R3HDM1: variants seen among roughly 807,000 people sequenced by gnomAD.
The protein encoded by R3HDM1 is R3H domain containing 1.
In R3HDM1, 46 loss-of-function variants were observed where a neutral mutation model predicts 141.1. The observed-to-expected ratio is 0.33, with a 90% CI of 0.26 to 0.42. The LOEUF (loss-of-function observed/expected upper bound fraction) is 0.42, where lower values mean the gene tolerates loss of function less well. R3HDM1 is among the 10% of genes least tolerant of loss of function. The pLI is 1.00. For synonymous variants in R3HDM1, 435 were observed against 472.9 expected (o/e 0.92, Z 1.04); for missense variants, 1,184 against 1,368.3 (o/e 0.87, Z 2.12).
intron 18 of R3HDM1, among the ~76,000 whole-genome samples, chr2:135,658,510 A>G (rs1440582536): frequency 6.6e-6 from 1 of 152,162 alleles, no homozygotes; most frequent in Non-Finnish European, 1.5e-5. Flanking sequence ...GCACTTAACC[A>G]TGTATGCAGC....
intron 14 of R3HDM1, 134 bp from the exon 15 acceptor site, chr2:135,641,402 A>G (rs1432652161): frequency 1.9e-6 from 2 of 1,033,100 alleles, no homozygotes; most frequent in Non-Finnish European, 2.8e-6. Context: ...AAACGTGGAC[A>G]GTAAATTAAA....
At chr2:135,542,471 T>G (rs1453590961) in intron 1 of R3HDM1, among the ~76,000 whole-genome samples, 1 of 152,220 alleles carries the variant, frequency 6.6e-6, no homozygotes, top group African/African-American at 2.4e-5. Context: ...TTTCTCATTC[T>G]CCTTTTGTTA....
chr2:135,675,594 C>T lies in R3HDM1; in HGVS notation c.2307+108C>T, dbSNP rs907820784. On this transcript the variant is annotated intron_variant, in intron 20 of 26. Coordinates refer to ENST00000683871, the MANE Select transcript of R3HDM1 (RefSeq NM_001378107.1). ...TCCTTTTAATACAGGAAAAACATTT[C>T]TGTAATATACAACCTTTTAATACAG... 2.5e-5 allele frequency: 29 copies of T among 1,150,004 alleles called. 1 individual carries two copies. In the Admixed American group the frequency reaches 6.0e-4, roughly 24 times the overall value. The allele number at this position is 1,150,004 out of a possible 1,614,324, so 71.2% of individuals were successfully genotyped here.
At chr2:135,580,467 A>G (rs533889889) in intron 1 of R3HDM1, among the ~76,000 whole-genome samples, 1 of 152,318 alleles carries the variant, frequency 6.6e-6, no homozygotes, top group African/African-American at 2.4e-5. Context: ...TTTGTTCTAA[A>G]TAGAATTTAT....
At position 135,559,129 on chromosome 2, in the gene R3HDM1, G is replaced by A. The variant is rs1026478076; in HGVS notation, c.-250+27496G>A. 1.1e-5 allele frequency: 9 copies of A among 854,178 alleles called. No individual in the cohort carries two copies. In the East Asian group the frequency reaches 8.5e-4, roughly 80 times the overall value. 52.9% of individuals were successfully genotyped at this position (854,178 alleles called of 1,614,324 possible). ...TGTGTGTGGTTTTGTTGTTGTTGTC[G>A]GAGACAGGGCCTCGCTTGGTCTCCC... On this transcript the variant is annotated intron_variant, in intron 1 of 26. Coordinates refer to ENST00000683871, the MANE Select transcript of R3HDM1 (RefSeq NM_001378107.1).
chr2:135,673,666 T>C (rs892356494), intron 19 of R3HDM1, among the ~76,000 whole-genome samples: 4 of 152,220 alleles, frequency 2.6e-5, no homozygotes, highest in Admixed American at 1.3e-4. Flanking sequence ...AGAACTAGAA[T>C]ACACAGTATT....
intron 1 of R3HDM1, chr2:135,536,441 C>T (rs1195835672): frequency 4.4e-6 from 3 of 678,734 alleles, no homozygotes; most frequent in Non-Finnish European, 5.5e-6. Flanking sequence ...GCCACTGCAC[C>T]CAGCCTATTT....
At position 135,725,164 on chromosome 2, in the gene R3HDM1, A is replaced by G. The variant is rs2077035301; in HGVS notation, c.*872A>G. On this transcript the variant is annotated 3_prime_UTR_variant, in exon 27 of 27. Coordinates refer to ENST00000683871, the MANE Select transcript of R3HDM1 (RefSeq NM_001378107.1). Reference sequence around the variant, plus strand: ...TGGACATCAAAGATTCATTGCACTTATGAACAAGGAACCTTCTTTTCAATT... The same window carrying G: ...TGGACATCAAAGATTCATTGCACTTGTGAACAAGGAACCTTCTTTTCAATT... 6.6e-6 allele frequency: 1 copy of G among 152,658 alleles called. No individual in the cohort carries two copies. The highest frequency in any genetic ancestry group is 6.5e-5 in the Admixed American group (1 of 15,282). 9.5% of individuals were successfully genotyped at this position (152,658 alleles called of 1,614,324 possible).
intron 1 of R3HDM1, among the ~76,000 whole-genome samples, chr2:135,592,145 T>G (rs1388498569): frequency 6.6e-6 from 1 of 152,194 alleles, no homozygotes; most frequent in Non-Finnish European, 1.5e-5. Context: ...GTTTAGTCTT[T>G]CCAGCCAGTC....
At chr2:135,621,810 C>G (rs1574430054) in intron 6 of R3HDM1, 4 of 981,068 alleles carry the variant, frequency 4.1e-6, no homozygotes, top group Non-Finnish European at 4.8e-6. Context: ...GCCAAAAATG[C>G]AACACATAAC....
Position 135,539,433 on chromosome 2 carries a change from CAT to C in R3HDM1, c.-250+7802_-250+7803del, listed in dbSNP as rs149799188. Among the ~76,000 whole-genome samples the C allele has an allele frequency of 2.3e-4, 35 of 152,276 alleles. No homozygotes were observed. In the East Asian group the frequency reaches 6.7e-3, roughly 29 times the overall value. Reference sequence around the variant, plus strand: ...TTAGGTGCTAGGAATTTTTCACCAACATAGTCTTATGGGACCACTATCATTTA... The same window carrying C: ...TTAGGTGCTAGGAATTTTTCACCAACAGTCTTATGGGACCACTATCATTTA... On this transcript the variant is annotated intron_variant, in intron 1 of 26. Transcript: ENST00000683871.
intron 3 of R3HDM1, chr2:135,607,965 A>C (rs1194369379): frequency 1.0e-6 from 1 of 983,084 alleles, no homozygotes. Flanking sequence ...GTGAGAATTT[A>C]TTTTATGTTA....
chr2:135,667,598 A>G (rs1229009157), intron 19 of R3HDM1: 1 of 947,418 alleles, frequency 1.1e-6, no homozygotes, highest in African/African-American at 1.8e-5. Context: ...AATATACTAA[A>G]ATATACTTTT....
intron 6 of R3HDM1, 112 bp from the exon 7 acceptor site, chr2:135,622,542 T>C (rs1463593603): frequency 7.4e-7 from 1 of 1,358,930 alleles, no homozygotes; most frequent in African/African-American, 1.5e-5. Flanking sequence ...TCGAATTTTT[T>C]TCAATGTGGG....
rs750677372 is a variant in R3HDM1 at position 135,709,419 on chromosome 2, T to G, written c.2460-14T>G. The G allele has an allele frequency of 6.8e-6, 11 of 1,613,714 alleles. No individual in the cohort carries two copies. The African/African-American group carries it at 1.3e-4, about 20-fold the overall frequency. On this transcript the variant is annotated splice_polypyrimidine_tract_variant and intron_variant, in intron 21 of 26. Transcript: ENST00000683871. ...TCCTCCTCTCATTATGCTGTTTTTT[T>G]GTTTTTTCCATAGCTCTTCAGTAGG...
At chr2:135,555,127 C>CT (rs1290028518) in intron 1 of R3HDM1, among the ~76,000 whole-genome samples, 1 of 152,006 alleles carries the variant, frequency 6.6e-6, no homozygotes, top group Non-Finnish European at 1.5e-5. Flanking sequence ...TGGTGAAACT[C>CT]TGTCTCTACT....
rs925664777 is a variant in R3HDM1, at chr2:135,669,195, G to T, written c.2153-6137G>T. The T allele has an allele frequency of 1.8e-5, 18 of 984,954 alleles. No individual in the cohort carries two copies. In the African/African-American group the frequency reaches 2.1e-4, roughly 11 times the overall value. The allele number at this position is 984,954 out of a possible 1,614,324, so 61.0% of individuals were successfully genotyped here. ...TTGAAATACATCAGTAGTAAACCAC[G>T]CATCTTGCGGGTAGTGGACAAACCA... is the stretch of plus-strand genomic sequence containing the variant. On this transcript the variant is annotated intron_variant, in intron 19 of 26. Coordinates refer to ENST00000683871, the MANE Select transcript of R3HDM1 (RefSeq NM_001378107.1).
intron 21 of R3HDM1, among the ~76,000 whole-genome samples, chr2:135,703,583 C>G (rs1559477527): frequency 6.6e-6 from 1 of 151,996 alleles, no homozygotes; most frequent in Non-Finnish European, 1.5e-5. Flanking sequence ...GCAGGCGTCC[C>G]CACTCCCTTT....
At chr2:135,709,864 T>TA (rs1459329474) in intron 22 of R3HDM1, among the ~76,000 whole-genome samples, 195 bp from the exon 23 acceptor site, 1 of 152,218 alleles carries the variant, frequency 6.6e-6, no homozygotes, top group East Asian at 1.9e-4. Flanking sequence ...TGTTTAGGCC[T>TA]ACAGAGTCCA....
Sources: gnomAD v4.1 joint callset for allele counts (sites outside exome capture counted in the v4.1 genomes callset) on GRCh38, gnomAD v4.1.1 for gene constraint, MANE v1.5 for transcripts, NCBI Gene and HGNC (gene_info 2026-07-23, HGNC 2026-07-21) for gene names.